The following TXNL1 variants were observed in gnomAD, a reference collection of about 807,000 sequenced individuals.
TXNL1 encodes thioredoxin-like protein 1.
Under a neutral mutation model 35.5 loss-of-function variants are expected in TXNL1, and 14 were observed. The observed-to-expected ratio is 0.39, with a 90% confidence interval of 0.26 to 0.62. The LOEUF (loss-of-function observed/expected upper bound fraction) is 0.62, where lower values mean the gene tolerates loss of function less well. Among genes scored for constraint, TXNL1 ranks in the 20% least tolerant of loss-of-function variants. The pLI, the probability that TXNL1 is intolerant of heterozygous loss-of-function variation, is 0.47. For synonymous variants in TXNL1, 110 were observed against 115.5 expected, an observed-to-expected ratio of 0.95 and a Z score of 0.31; for missense variants, 263 against 349.7, an observed-to-expected ratio of 0.75 and a Z score of 1.98.
In TXNL1 at chr18:56,614,443, T is replaced by C. The variant is rs2024049680; in HGVS notation, c.716A>G (p.Gln239Arg). The C allele has an allele frequency of 2.5e-6, 4 of 1,613,612 alleles. No individual in the cohort carries two copies. The highest frequency in any genetic ancestry group is 2.5e-6 in the Non-Finnish European group (3 of 1,179,802). ...ACTTACAGTTACACTGTTAACATTC[T>C]GAAACTTAACATAACGAAGTGGAAC... ...GIVPLRYVKF[Q>R]NVNSVTIFVQ... is the part of the protein sequence containing the mutation. Residue 239 changes from glutamine (Q) to arginine (R), a missense_variant, in exon 6 of 8, where the codon CAG (glutamine) becomes CGG (arginine). Physicochemically the swap from Gln to Arg is conservative, Grantham distance 43 (BLOSUM62 1). Transcript: ENST00000217515.
In TXNL1 at chr18:56,601,215, A is replaced by C. The variant is rs1319520539; in HGVS notation, c.*1812T>G. The C allele has an allele frequency of 6.6e-6, 1 of 152,212 alleles. No individual in the cohort carries two copies. Among genetic ancestry groups the C allele is most frequent in the Non-Finnish European group, 1.5e-5 (1 of 68,038 alleles). The allele number at this position is 152,212 out of a possible 1,614,324, so 9.4% of individuals were successfully genotyped here. On this transcript the variant is annotated 3_prime_UTR_variant, in exon 8 of 8. Coordinates refer to ENST00000217515, the MANE Select transcript of TXNL1 (RefSeq NM_004786.3). The stretch of plus-strand genomic sequence containing the variant: ...TTTATAATAGTAAGATTTCCCATTA[A>C]GTGAAACGTTATAGTTACCTATAAA...
chr18:56,611,476 C>T (rs1487425044), intron 6 of TXNL1, among the ~76,000 whole-genome samples: 2 of 147,720 alleles, frequency 1.4e-5, no homozygotes, highest in African/African-American at 2.5e-5. Flanking sequence ...CACTCCAGCC[C>T]GGGCAACAAG....
At chr18:56,638,300 G>A in intron 1 of TXNL1, 43 bp downstream of exon 1, 1 of 1,564,474 alleles carries the variant, frequency 6.4e-7, no homozygotes, top group Non-Finnish European at 8.7e-7. Flanking sequence ...AGGAAAGCAA[G>A]GAAGGACAGA....
At chr18:56,631,544 A>T (rs1464598618) in intron 1 of TXNL1, among the ~76,000 whole-genome samples, 2 of 152,214 alleles carry the variant, frequency 1.3e-5, no homozygotes, top group Non-Finnish European at 2.9e-5. Flanking sequence ...CAATATATAA[A>T]ATGTGTATGT....
Position 56,602,341 on chromosome 18 carries a change from A to AT in TXNL1, c.*685dup, listed in dbSNP as rs1257757770. The stretch of plus-strand genomic sequence containing the variant: ...CTGTTTTCTGAATTCACTATGCTGT[A>AT]TTTTTTCCCCAACTGTCTGATTTCC... On this transcript the variant is annotated 3_prime_UTR_variant, in exon 8 of 8. Transcript: ENST00000217515. The AT allele has an allele frequency of 7.4e-6, 1 of 134,846 alleles. No individual in the cohort carries two copies. Among genetic ancestry groups the AT allele is most frequent in the Non-Finnish European group, 1.5e-5 (1 of 64,820 alleles). The allele number at this position is 134,846 out of a possible 1,614,324, so 8.4% of individuals were successfully genotyped here. A position where few individuals can be genotyped will look rare whatever the true frequency, so the allele number is the denominator to read the frequency against.
At chr18:56,622,179 G>C (rs748185067) in intron 3 of TXNL1, among the ~76,000 whole-genome samples, 57 of 151,918 alleles carry the variant, frequency 3.8e-4, no homozygotes, top group Non-Finnish European at 6.8e-4. Context: ...ATGTTCAATA[G>C]ACAAGTGTGC....
intron 7 of TXNL1, chr18:56,605,306 G>A (rs1265324828): frequency 6.6e-6 from 1 of 152,134 alleles, no homozygotes; most frequent in Non-Finnish European, 1.5e-5. Context: ...GGGGAGTAGA[G>A]TGAGACAAGG....
intron 3 of TXNL1, among the ~76,000 whole-genome samples, chr18:56,621,924 C>A (rs916807567): frequency 6.8e-6 from 1 of 147,510 alleles, no homozygotes; most frequent in Admixed American, 6.9e-5. Context: ...TTCAAACGAG[C>A]GGCAGGGGCA....
intron 7 of TXNL1, among the ~76,000 whole-genome samples, chr18:56,605,633 G>A (rs1049443364): frequency 6.6e-6 from 1 of 151,972 alleles, no homozygotes; most frequent in African/African-American, 2.4e-5. Flanking sequence ...AATTAAGATG[G>A]CAATGGCAAG....
intron 6 of TXNL1, 101 bp downstream of exon 6, chr18:56,614,323 T>C: frequency 1.9e-6 from 2 of 1,064,424 alleles, no homozygotes; most frequent in South Asian, 1.8e-5. Context: ...ACTGAGTGAA[T>C]AAATACCACT....
chr18:56,617,451 T>C (rs2024108214), intron 4 of TXNL1, among the ~76,000 whole-genome samples: 1 of 152,186 alleles, frequency 6.6e-6, no homozygotes, highest in Non-Finnish European at 1.5e-5. Flanking sequence ...GTATAGAAGA[T>C]GAACTGGAAT....
chr18:56,604,207 T>C (rs2023853415), intron 7 of TXNL1, among the ~76,000 whole-genome samples: 1 of 152,096 alleles, frequency 6.6e-6, no homozygotes, highest in Non-Finnish European at 1.5e-5. Flanking sequence ...TATAAAAGAA[T>C]GTGGATAAGA....
intron 7 of TXNL1, chr18:56,609,788 T>C (rs2023961716): frequency 6.6e-6 from 1 of 152,230 alleles, no homozygotes. Flanking sequence ...CTGCTTCTTC[T>C]GACCTGTCAT....
chr18:56,611,334 T>A (rs1480015610), intron 6 of TXNL1, among the ~76,000 whole-genome samples: 1 of 151,800 alleles, frequency 6.6e-6, no homozygotes, highest in African/African-American at 2.4e-5. Flanking sequence ...ACCCCATCTC[T>A]ACTAAAAACA....
rs144293875 is a variant in TXNL1 at position 56,636,175 on chromosome 18, G to C, written c.98+2168C>G. Among the ~76,000 whole-genome samples, 329 of 152,042 alleles carry C rather than the reference G, an allele frequency of 2.2e-3. 2 individuals carry two copies. Among genetic ancestry groups the C allele is most frequent in the Middle Eastern group, 0.014 (4 of 294 alleles). On this transcript the variant is annotated intron_variant, in intron 1 of 7. Transcript: ENST00000217515. ...ATTCTTACACAGGAGAACAATCTAT[G>C]TATCATTTTAGTAAAATTTAGACTG...
At position 56,617,993 on chromosome 18, in the gene TXNL1, C is replaced by T. The variant is rs747351352; in HGVS notation, c.492+11G>A. 3 of 1,613,138 alleles carry T rather than the reference C, an allele frequency of 1.9e-6. No individual in the cohort carries two copies. Among genetic ancestry groups the T allele is most frequent in the Non-Finnish European group, 2.5e-6 (3 of 1,179,476 alleles). ...ATAATCTCCACAAGCTTATCTTCAG[C>T]CCTCAATTACCTGTTCATCACAGTC... is the stretch of plus-strand genomic sequence containing the variant. On this transcript the variant is annotated intron_variant, in intron 4 of 7. Coordinates refer to ENST00000217515, the MANE Select transcript of TXNL1 (RefSeq NM_004786.3).
At chr18:56,605,395 AAC>A (rs1489869033) in intron 7 of TXNL1, 2 of 152,138 alleles carry the variant, frequency 1.3e-5, no homozygotes, top group Non-Finnish European at 2.9e-5. Flanking sequence ...CTGAAAAATA[AAC>A]AGACAGAAAT....
At chr18:56,627,129 T>C (rs952429499) in intron 1 of TXNL1, among the ~76,000 whole-genome samples, 6 of 152,058 alleles carry the variant, frequency 3.9e-5, no homozygotes, top group Non-Finnish European at 8.8e-5. Flanking sequence ...CTCTGGTCTA[T>C]TTGAGTAAGT....
At chr18:56,628,343 G>A in intron 1 of TXNL1, among the ~76,000 whole-genome samples, 1 of 151,926 alleles carries the variant, frequency 6.6e-6, no homozygotes, top group African/African-American at 2.4e-5. Flanking sequence ...AAATTCCTGG[G>A]GAATACATCT....
Sources: allele counts gnomAD v4.1 joint callset (sites outside exome capture counted in the v4.1 genomes callset), GRCh38; gene constraint gnomAD v4.1.1; transcripts MANE v1.5; gene names NCBI Gene and HGNC (gene_info 2026-07-23, HGNC 2026-07-21).